The following MAK variants were observed in gnomAD, a reference collection of about 807,000 sequenced individuals.
The protein encoded by MAK is male germ cell associated kinase.
MAK carries 65 observed loss-of-function variants against 82.6 expected under a neutral mutation model. The observed-to-expected ratio is 0.79, with a 90% CI of 0.64 to 0.97. The LOEUF (loss-of-function observed/expected upper bound fraction) is 0.97. MAK is among the 50% of genes least tolerant of loss of function. MAK has a pLI of 0.00. For missense variants in MAK, 703 were observed against 780.2 expected (o/e 0.90, Z 1.18); for synonymous variants, 250 against 274.2 (o/e 0.91, Z 0.87).
At position 10,830,551 on chromosome 6, in the gene MAK, T is replaced by C. The variant is rs1350418617; in HGVS notation, c.98A>G (p.Lys33Arg). ...TTGGCAGTGTCACACACAGTACCTT[T>C]TGATGGCCACCAGCTCCCCGGATTC... is the stretch of plus-strand genomic sequence containing the variant. ...SNESGELVAI[K>R]RMKRKFYSWD... Residue 33 changes from lysine (K) to arginine (R), a missense_variant, in exon 2 of 15, where the codon AAA (lysine) becomes AGA (arginine). By Grantham distance (26) the Lys-to-Arg change is conservative. Transcript: ENST00000354489. 6.2e-7 allele frequency: 1 copy of C among 1,613,524 alleles called. No homozygotes were observed. Among genetic ancestry groups the C allele is most frequent in the Non-Finnish European group, 8.5e-7 (1 of 1,179,466 alleles).
At chr6:10,818,613 CA>C (rs35999127) in intron 3 of MAK, among the ~76,000 whole-genome samples, 73,498 of 111,600 alleles carry the variant, frequency 0.66, 20,740 homozygotes, top group African/African-American at 0.68. Context: ...GACTCTGTCA[CA>C]AAAAAAAAAA....
intron 14 of MAK, among the ~76,000 whole-genome samples, chr6:10,769,570 A>G (rs1772800320): frequency 6.6e-6 from 1 of 152,222 alleles, no homozygotes; most frequent in Non-Finnish European, 1.5e-5. Context: ...ACGCCCTAAG[A>G]TGGAACTGTA....
At chr6:10,815,119 TAAATC>T (rs942310259) in intron 4 of MAK, among the ~76,000 whole-genome samples, 9 of 151,982 alleles carry the variant, frequency 5.9e-5, no homozygotes, top group African/African-American at 9.7e-5. Context: ...CATGTTAAAA[TAAATC>T]AAACAGGTAA....
In MAK at chr6:10,770,139, G is replaced by C; in HGVS notation, c.1764C>G (p.His588Gln). 1.2e-6 allele frequency: 2 copies of C among 1,614,166 alleles called. No homozygotes were observed. Among genetic ancestry groups the C allele is most frequent in the Non-Finnish European group, 1.7e-6 (2 of 1,180,024 alleles). Residue 588 changes from histidine (H) to glutamine (Q), a missense_variant, in exon 14 of 15, where the codon CAC (histidine) becomes CAG (glutamine). His to Gln is a conservative substitution (Grantham distance 24, BLOSUM62 0). Coordinates refer to ENST00000354489, the MANE Select transcript of MAK (RefSeq NM_001242957.3). ...KEVQSAGQRI[H>Q]LAPLNATASE... is the part of the protein sequence containing the mutation. ...AAGCCGTTGCATTGAGAGGTGCTAAGTGGATCCTCTGGCCAGCTGACTGCA... is the reference window on the plus strand; with the variant it reads ...AAGCCGTTGCATTGAGAGGTGCTAACTGGATCCTCTGGCCAGCTGACTGCA...
chr6:10,765,440 ATTTTTTTTTT>A (rs200536068), intron 14 of MAK, among the ~76,000 whole-genome samples: 17 of 130,644 alleles, frequency 1.3e-4, no homozygotes, highest in Middle Eastern at 4.3e-3. Context: ...TAGAATGAAG[ATTTTTTTTTT>A]TTTTTTTTTT....
intron 11 of MAK, among the ~76,000 whole-genome samples, chr6:10,777,561 A>G (rs1773568588): frequency 9.4e-6 from 1 of 106,558 alleles, no homozygotes; most frequent in African/African-American, 3.8e-5. Flanking sequence ...ATATTCCTAA[A>G]TAGGCTTTTT....
chr6:10,830,261 G>T (rs1393697006), intron 2 of MAK, among the ~76,000 whole-genome samples: 1 of 150,414 alleles, frequency 6.6e-6, no homozygotes, highest in Non-Finnish European at 1.5e-5. Flanking sequence ...CACCTCCTGG[G>T]TTCAAGCAAT....
intron 11 of MAK, among the ~76,000 whole-genome samples, chr6:10,781,816 G>A (rs942874730): frequency 1.3e-5 from 2 of 152,012 alleles, no homozygotes; most frequent in African/African-American, 4.8e-5. Flanking sequence ...TCTCTATCCA[G>A]ACACACACAA....
intron 11 of MAK, among the ~76,000 whole-genome samples, chr6:10,777,468 A>G (rs1773561313): frequency 6.6e-6 from 1 of 152,230 alleles, no homozygotes; most frequent in Non-Finnish European, 1.5e-5. Flanking sequence ...TAAAACATTA[A>G]AAATCTGTGT....
chr6:10,769,976 A>C, intron 14 of MAK, 135 bp downstream of exon 14: 3 of 1,533,606 alleles, frequency 2.0e-6, no homozygotes, highest in Non-Finnish European at 2.7e-6. Flanking sequence ...ATTTCGGTAA[A>C]AACAAAAAGA....
chr6:10,812,543 C>CGG (rs1415166084), intron 5 of MAK, among the ~76,000 whole-genome samples: 1 of 151,916 alleles, frequency 6.6e-6, no homozygotes, highest in Admixed American at 6.6e-5. Context: ...AACACTGCTC[C>CGG]GTGGGTGCTA....
chr6:10,821,964 G>A (rs1478612840), intron 2 of MAK, among the ~76,000 whole-genome samples: 1 of 150,216 alleles, frequency 6.7e-6, no homozygotes, highest in Non-Finnish European at 1.5e-5. Flanking sequence ...TGGGTAACAG[G>A]GTGAAACCCC....
chr6:10,782,805 T>A (rs1392892755), intron 11 of MAK, among the ~76,000 whole-genome samples: 1 of 152,124 alleles, frequency 6.6e-6, no homozygotes, highest in East Asian at 1.9e-4. Flanking sequence ...CTCAAACTCC[T>A]GAACTCAGGT....
chr6:10,821,123 A>AT (rs1777907618), intron 2 of MAK, among the ~76,000 whole-genome samples: 2 of 151,756 alleles, frequency 1.3e-5, no homozygotes, highest in Non-Finnish European at 2.9e-5. Flanking sequence ...AACTTCTTGT[A>AT]TTTTTTGTAG....
At chr6:10,826,561 A>G (rs1350624408) in intron 2 of MAK, 1 of 152,162 alleles carries the variant, frequency 6.6e-6, no homozygotes, top group Non-Finnish European at 1.5e-5. Flanking sequence ...ATCTTTGCCT[A>G]AGGTGGAGCA....
At chr6:10,779,067 G>A (rs987569722) in intron 11 of MAK, among the ~76,000 whole-genome samples, 42 of 146,074 alleles carry the variant, frequency 2.9e-4, no homozygotes, top group African/African-American at 1.1e-3. Flanking sequence ...GGTGGAGGTT[G>A]CAGTGAGCTG....
At position 10,793,733 on chromosome 6, in the gene MAK, C is replaced by T. The variant is rs1775281085; in HGVS notation, c.1144-1886G>A. Among the ~76,000 whole-genome samples, 1 of 152,276 alleles carries T rather than the reference C, an allele frequency of 6.6e-6. No individual in the cohort carries two copies. The highest frequency in any genetic ancestry group is 1.9e-4 in the East Asian group (1 of 5,188). Reference sequence around the variant, plus strand: ...CTTAGAGAATGCACACAGCGTCCCTCGCATATGCATGGCACTTGGAAGCTA... The same window carrying T: ...CTTAGAGAATGCACACAGCGTCCCTTGCATATGCATGGCACTTGGAAGCTA... On this transcript the variant is annotated intron_variant, in intron 9 of 14. Coordinates refer to ENST00000354489, the MANE Select transcript of MAK (RefSeq NM_001242957.3). This position sits in a 1 kb window ranked among gnomAD's most constrained non-coding sequence, Gnocchi z 4.6.
intron 4 of MAK, among the ~76,000 whole-genome samples, chr6:10,815,914 A>ATATATATATATATATATATATATATAT (rs1777447097): frequency 5.7e-5 from 1 of 17,608 alleles, no homozygotes; most frequent in Non-Finnish European, 2.3e-4. Context: ...TTTATACAGT[A>ATATATATATATATATATATATATATAT]TATATATATA....
intron 11 of MAK, among the ~76,000 whole-genome samples, chr6:10,780,430 A>ATG (rs1773852672): frequency 6.8e-6 from 1 of 147,354 alleles, no homozygotes; most frequent in Non-Finnish European, 1.5e-5. Context: ...GATTTGCAAT[A>ATG]TTTCAGTCAG....
Sources: gnomAD v4.1 joint callset for allele counts (sites outside exome capture counted in the v4.1 genomes callset) on GRCh38, gnomAD v4.1.1 for gene constraint, Gnocchi (gnomAD v3.1) non-coding constraint, MANE v1.5 for transcripts, NCBI Gene and HGNC (gene_info 2026-07-23, HGNC 2026-07-21) for gene names.